Variants in AFAP1L2 observed in about 807,000 individuals in gnomAD.
The protein encoded by AFAP1L2 is actin filament-associated protein 1-like 2.
In AFAP1L2, 46 loss-of-function variants were observed where a neutral mutation model predicts 99.3. That is an observed-to-expected ratio of 0.46 (90% CI 0.37 to 0.59). The LOEUF (loss-of-function observed/expected upper bound fraction) is 0.59, where lower values mean the gene tolerates loss of function less well. AFAP1L2 is among the 20% of genes least tolerant of loss of function. The pLI is 0.00. For synonymous variants in AFAP1L2, 397 were observed against 419.1 expected, an observed-to-expected ratio of 0.95 and a Z score of 0.64; for missense variants, 959 against 1,034.9, an observed-to-expected ratio of 0.93 and a Z score of 1.01.
intron 13 of AFAP1L2, among the ~76,000 whole-genome samples, chr10:114,301,131 G>A (rs568659315): frequency 1.1e-4 from 17 of 152,280 alleles, no homozygotes; most frequent in South Asian, 2.1e-4. Context: ...GGGGTTCACC[G>A]GTGTTTCATC....
intron 1 of AFAP1L2, among the ~76,000 whole-genome samples, chr10:114,382,439 A>G (rs1012832867): frequency 4.6e-5 from 7 of 152,140 alleles, no homozygotes; most frequent in Non-Finnish European, 8.8e-5. Flanking sequence ...AGAGTGACAG[A>G]TATCAGGGAC....
At chr10:114,293,539 T>C (rs1158183917), downstream of AFAP1L2, among the ~76,000 whole-genome samples, 1 of 152,172 alleles carries the variant, frequency 6.6e-6, no homozygotes, top group African/African-American at 2.4e-5. Context: ...CTTTTGTCAG[T>C]CCCCCAGGAA....
In AFAP1L2 at chr10:114,382,414, A is replaced by G. The variant is rs377334596; in HGVS notation, c.16+22026T>C. On this transcript the variant is annotated intron_variant, in intron 1 of 18. Transcript: ENST00000304129. ...TGTGAGAGCTAAAAAAGTTGATCAC[A>G]TGGACATAGAGAATAGAGTGACAGA... Among the ~76,000 whole-genome samples the G allele has an allele frequency of 8.5e-5, 13 of 152,272 alleles. No individual in the cohort carries two copies. In the East Asian group the frequency reaches 2.1e-3, roughly 25 times the overall value.
At chr10:114,384,675 G>T (rs2056260463) in intron 1 of AFAP1L2, among the ~76,000 whole-genome samples, 1 of 152,258 alleles carries the variant, frequency 6.6e-6, no homozygotes, top group African/African-American at 2.4e-5. Flanking sequence ...GGCCCATGGG[G>T]AGCCCAGCAG....
intron 1 of AFAP1L2, chr10:114,362,805 GA>G (rs979989276): frequency 2.0e-6 from 1 of 491,600 alleles, no homozygotes; most frequent in African/African-American, 2.1e-5. Flanking sequence ...AACCTCATTA[GA>G]AAAAAATCTG....
chr10:114,310,796 G>A (rs1433980879), intron 7 of AFAP1L2, among the ~76,000 whole-genome samples: 1 of 152,236 alleles, frequency 6.6e-6, no homozygotes. Context: ...CAGGGCTACT[G>A]TTCTGTTGCA....
rs183839344 is a variant in AFAP1L2 at position 114,327,828 on chromosome 10, A to G, written c.315+3975T>C. ...CACAAGAGCTGATGAGGGGTGGCTC[A>G]GAGGACCCGAGGCATCCTCACAGCT... On this transcript the variant is annotated intron_variant, in intron 4 of 18. Transcript: ENST00000304129. 8.9e-4 allele frequency among the ~76,000 whole-genome samples: 136 copies of G among 152,348 alleles called. 1 individual carries two copies. Among genetic ancestry groups the G allele is most frequent in the Middle Eastern group, 3.4e-3 (1 of 294 alleles).
rs1262619456 is a variant in AFAP1L2, at chr10:114,295,015, T to TAA, written c.*1026_*1027insTT. The TAA allele has an allele frequency of 7.3e-6, 4 of 550,510 alleles. No individual in the cohort carries two copies. Among genetic ancestry groups the TAA allele is most frequent in the Admixed American group, 3.2e-4 (1 of 3,168 alleles). The allele number at this position is 550,510 out of a possible 1,614,324, so 34.1% of individuals were successfully genotyped here. A position where few individuals can be genotyped will look rare whatever the true frequency, so the allele number is the denominator to read the frequency against. ...AATAGATGAAATGTTTCAACCTGTG[T>TAA]TAAAAAAAAAAAAAAAAAAATGCCA... On this transcript the variant is annotated 3_prime_UTR_variant, in exon 19 of 19. Transcript: ENST00000304129.
intron 2 of AFAP1L2, 77 bp downstream of exon 2, chr10:114,340,526 G>T: frequency 6.6e-7 from 1 of 1,514,396 alleles, no homozygotes. Flanking sequence ...GTGATCCTTA[G>T]CTATGGCAGC....
chr10:114,282,418 A>C, the AFAP1L2 span: 4 of 968,238 alleles, frequency 4.1e-6, no homozygotes, highest in Non-Finnish European at 6.7e-6. Flanking sequence ...TCTGCATTGG[A>C]ATCTTCTATC....
chr10:114,366,076 A>G (rs979187509), intron 1 of AFAP1L2, among the ~76,000 whole-genome samples: 33 of 152,068 alleles, frequency 2.2e-4, no homozygotes, highest in African/African-American at 6.0e-4. Context: ...ACTTGTAACC[A>G]TCTCTATCTT....
At chr10:114,296,771 C>G (rs1016200575) in intron 18 of AFAP1L2, 1 of 705,042 alleles carries the variant, frequency 1.4e-6, no homozygotes, top group Non-Finnish European at 2.2e-6. Context: ...GAAGGATGCT[C>G]GAACCAAGTG....
intron 1 of AFAP1L2, among the ~76,000 whole-genome samples, chr10:114,375,747 G>A (rs114715899): frequency 0.013 from 1,960 of 152,276 alleles, 29 homozygotes; most frequent in African/African-American, 0.039. Context: ...GATAAGGAGG[G>A]AGGATTGCTT....
Position 114,296,812 on chromosome 10 carries a change from G to A in AFAP1L2, c.2430+166C>T, listed in dbSNP as rs552925072. ...ACCTTTCTGGTTGGTCAGTGCCAGA[G>A]ACTGAGCTGAAGGCATGGCAAAGCC... On this transcript the variant is annotated intron_variant, in intron 18 of 18. Transcript: ENST00000304129. 5.4e-5 allele frequency: 63 copies of A among 1,169,900 alleles called. No individual in the cohort carries two copies. In the South Asian group the frequency reaches 7.2e-4, roughly 13 times the overall value. The allele number at this position is 1,169,900 out of a possible 1,614,324, so 72.5% of individuals were successfully genotyped here.
At chr10:114,288,689 A>G in the AFAP1L2 span, among the ~76,000 whole-genome samples, 1 of 152,202 alleles carries the variant, frequency 6.6e-6, no homozygotes, top group Non-Finnish European at 1.5e-5. Flanking sequence ...CGTCAGATAG[A>G]ACTTAGACAC....
chr10:114,294,190 T>A (rs2039860169), downstream of AFAP1L2, among the ~76,000 whole-genome samples: 1 of 152,242 alleles, frequency 6.6e-6, no homozygotes, highest in African/African-American at 2.4e-5. Flanking sequence ...TTTGCCAACA[T>A]CTTATTTCAG....
chr10:114,281,984 C>T, the AFAP1L2 span, among the ~76,000 whole-genome samples: 17 of 148,950 alleles, frequency 1.1e-4, no homozygotes, highest in South Asian at 3.4e-3. Context: ...GTGGATGTCC[C>T]TAATTTCAAA....
intron 4 of AFAP1L2, among the ~76,000 whole-genome samples, chr10:114,328,958 C>A (rs1404432712): frequency 7.2e-5 from 11 of 152,302 alleles, no homozygotes; most frequent in African/African-American, 2.4e-4. Flanking sequence ...GCAGTCCACA[C>A]CCGTCTCTGG....
intron 9 of AFAP1L2, among the ~76,000 whole-genome samples, chr10:114,308,186 C>T (rs2042707480): frequency 6.6e-6 from 1 of 152,100 alleles, no homozygotes; most frequent in Non-Finnish European, 1.5e-5. Context: ...TGTACTGGCT[C>T]AAAGAGATTT....
Sources: gnomAD v4.1 joint callset for allele counts (sites outside exome capture counted in the v4.1 genomes callset) on GRCh38, gnomAD v4.1.1 for gene constraint, MANE v1.5 for transcripts, NCBI Gene and HGNC (gene_info 2026-07-23, HGNC 2026-07-21) for gene names.